The following CDKL2 variants were observed in gnomAD, a reference collection of about 807,000 sequenced individuals.
CDKL2 encodes the protein cyclin-dependent kinase-like 2.
In CDKL2, 64 loss-of-function variants were observed where a neutral mutation model predicts 63.9. The observed-to-expected ratio is 1.00, with a 90% CI of 0.82 to 1.23. The LOEUF (loss-of-function observed/expected upper bound fraction) is 1.23. Among genes scored for constraint, CDKL2 ranks in the 50% most tolerant of loss-of-function variants. The pLI, the probability that CDKL2 is intolerant of heterozygous loss-of-function variation, is 0.00. For missense variants in CDKL2, 656 were observed against 668.0 expected, an observed-to-expected ratio of 0.98 and a Z score of 0.20; for synonymous variants, 211 against 229.2, an observed-to-expected ratio of 0.92 and a Z score of 0.72.
At chr4:75,591,041 C>T (rs1728692113) in intron 12 of CDKL2, among the ~76,000 whole-genome samples, 1 of 151,382 alleles carries the variant, frequency 6.6e-6, no homozygotes, top group African/African-American at 2.4e-5. Flanking sequence ...AAGTTAAGAG[C>T]AATGATAGAA....
At position 75,591,802 on chromosome 4, in the gene CDKL2, A is replaced by G; in HGVS notation, c.1647+17T>C. 2.0e-6 allele frequency: 3 copies of G among 1,484,252 alleles called. No individual in the cohort carries two copies. The highest frequency in any genetic ancestry group is 2.7e-6 in the Non-Finnish European group (3 of 1,100,990). 91.9% of individuals were successfully genotyped at this position (1,484,252 alleles called of 1,614,324 possible). On this transcript the variant is annotated intron_variant, in intron 12 of 13. Coordinates refer to ENST00000307465, the MANE Select transcript of CDKL2 (RefSeq NM_001330724.2). ...GAGACCCGAGTTCTGTCCATCCTAT[A>G]AAGAGTATTTCTGTACCTGATGTAA... is the stretch of plus-strand genomic sequence containing the variant.
intron 6 of CDKL2, among the ~76,000 whole-genome samples, chr4:75,603,451 C>G (rs1729285984): frequency 6.6e-6 from 1 of 150,964 alleles, no homozygotes; most frequent in Non-Finnish European, 1.5e-5. Context: ...CAACTAGAGG[C>G]CAGGGCTGGT....
Position 75,591,981 on chromosome 4 carries a change from A to G in CDKL2, c.1541-56T>C, listed in dbSNP as rs892436318. The G allele has an allele frequency of 9.9e-6, 14 of 1,417,544 alleles. No individual in the cohort carries two copies. In the South Asian group the frequency reaches 1.5e-4, roughly 15 times the overall value. The allele number at this position is 1,417,544 out of a possible 1,614,324, so 87.8% of individuals were successfully genotyped here. On this transcript the variant is annotated intron_variant, in intron 11 of 13. Coordinates refer to ENST00000307465, the MANE Select transcript of CDKL2 (RefSeq NM_001330724.2). ...AATATTAGACATTTTGTTAGTTTTT[A>G]GTTTTTCACATTCTCTACGTGTTCC...
At chr4:75,628,117 A>ATT (rs759097598) in intron 1 of CDKL2, among the ~76,000 whole-genome samples, 6 of 140,836 alleles carry the variant, frequency 4.3e-5, no homozygotes, top group African/African-American at 7.8e-5. Flanking sequence ...TGTGTTTGAA[A>ATT]TTTTTTTTTT....
At chr4:75,600,149 G>T in intron 7 of CDKL2, 132 bp downstream of exon 7, 1 of 599,898 alleles carries the variant, frequency 1.7e-6, no homozygotes. Flanking sequence ...GGAATATGGG[G>T]GTAGAGTGGT....
At chr4:75,587,195 T>C (rs1472842408) in intron 12 of CDKL2, among the ~76,000 whole-genome samples, 2 of 151,536 alleles carry the variant, frequency 1.3e-5, no homozygotes, top group African/African-American at 4.8e-5. Flanking sequence ...GGCTCACGCC[T>C]GTAATCCCAG....
At position 75,605,511 on chromosome 4, in the gene CDKL2, T is replaced by G. The variant is rs759362496; in HGVS notation, c.655+11A>C. ...ATCTCTAAAATTTAAAATGCAGATG[T>G]GTAACCTTACCTAAACACATCATAA... is the stretch of plus-strand genomic sequence containing the variant. On this transcript the variant is annotated intron_variant, in intron 5 of 13. Transcript: ENST00000307465. The G allele has an allele frequency of 6.1e-6, 9 of 1,476,074 alleles. No individual in the cohort carries two copies. In the African/African-American group the frequency reaches 1.1e-4, roughly 18 times the overall value. The allele number at this position is 1,476,074 out of a possible 1,614,324, so 91.4% of individuals were successfully genotyped here.
At chr4:75,592,002 G>A in intron 11 of CDKL2, 77 bp from the exon 12 acceptor site, 2 of 1,323,498 alleles carry the variant, frequency 1.5e-6, no homozygotes, top group South Asian at 1.3e-5. Flanking sequence ...TTCTCTACGT[G>A]TTCCTCAGTA....
intron 3 of CDKL2, among the ~76,000 whole-genome samples, chr4:75,613,075 A>G (rs942163594): frequency 1.3e-5 from 2 of 151,462 alleles, no homozygotes; most frequent in East Asian, 1.9e-4. Flanking sequence ...CCGTGAGCCG[A>G]GATCGCGCCA....
At chr4:75,623,652 A>T (rs1262480154) in intron 2 of CDKL2, among the ~76,000 whole-genome samples, 1 of 152,226 alleles carries the variant, frequency 6.6e-6, no homozygotes, top group Non-Finnish European at 1.5e-5. Context: ...AAAGACAAAG[A>T]AATAGAGAAC....
rs765286890 is a variant in CDKL2 at position 75,597,185 on chromosome 4, C to T, written c.1072G>A (p.Gly358Ser). 4 of 1,612,390 alleles carry T rather than the reference C, an allele frequency of 2.5e-6. No individual in the cohort carries two copies. Among genetic ancestry groups the T allele is most frequent in the African/African-American group, 1.3e-5 (1 of 74,910 alleles). Residue 358 changes from glycine to serine, a missense_variant, in exon 9 of 14, where the codon GGC (glycine) becomes AGC (serine). Physicochemically the swap from Gly to Ser is moderately conservative, Grantham distance 56. Coordinates refer to ENST00000307465, the MANE Select transcript of CDKL2 (RefSeq NM_001330724.2). ...GCTTTTTCTCCATCAATTTTTGAGC[C>T]TTTTATTTTAAATAGTTTATAATCC... ...IKDYKLFKIK[G>S]SKIDGEKAEK...
chr4:75,581,740 G>A (rs1328100470), intron 13 of CDKL2, 70 bp downstream of exon 13: 14 of 766,224 alleles, frequency 1.8e-5, no homozygotes, highest in Non-Finnish European at 2.9e-5. Flanking sequence ...TGAAAAATTG[G>A]TATTCAGCAA....
At chr4:75,604,083 C>G (rs1438560731) in intron 5 of CDKL2, 127 bp from the exon 6 acceptor site, 1 of 798,436 alleles carries the variant, frequency 1.3e-6, no homozygotes, top group East Asian at 2.6e-5. Flanking sequence ...TCTCAACATG[C>G]AAAATTGACC....
In CDKL2 at chr4:75,581,880, A is replaced by G; in HGVS notation, c.1666T>C (p.Ser556Pro). The change falls in exon 13 of 14, where the codon TCA (serine) becomes CCA (proline). Residue 556 changes from serine (S) to proline (P), a missense_variant. Ser to Pro is a moderately conservative substitution (Grantham distance 74, BLOSUM62 -1). Coordinates refer to ENST00000307465, the MANE Select transcript of CDKL2 (RefSeq NM_001330724.2). The stretch of plus-strand genomic sequence containing the variant: ...GGCAAATCAGCCCCTGAATCATCTG[A>G]CAGGGGAGGTCCTGATACCTATAAA... ...TLHQVSGPPL[S>P]DDSGADLPQM... The G allele has an allele frequency of 6.2e-7, 1 of 1,611,562 alleles. No individual in the cohort carries two copies. Among genetic ancestry groups the G allele is most frequent in the Non-Finnish European group, 8.5e-7 (1 of 1,177,982 alleles).
intron 7 of CDKL2, among the ~76,000 whole-genome samples, chr4:75,599,548 C>CAAAAAAAAAAAAAAAAA (rs71657365): frequency 1.4e-5 from 1 of 69,654 alleles, no homozygotes; most frequent in Non-Finnish European, 2.6e-5. Flanking sequence ...GCAACAAGAG[C>CAAAAAAAAAAAAAAAAA]AAAAAAAAAA....
At chr4:75,599,552 A>AG (rs1179301874) in intron 7 of CDKL2, among the ~76,000 whole-genome samples, 1 of 148,480 alleles carries the variant, frequency 6.7e-6, no homozygotes, top group Non-Finnish European at 1.5e-5. Flanking sequence ...CAAGAGCAAA[A>AG]AAAAAAAAAA....
intron 6 of CDKL2, 36 bp from the exon 7 acceptor site, chr4:75,600,405 A>T: frequency 1.6e-6 from 2 of 1,242,258 alleles, no homozygotes; most frequent in Non-Finnish European, 2.3e-6. Context: ...TCATATCAAG[A>T]AAAACTACCT....
At position 75,598,177 on chromosome 4, in the gene CDKL2, T is replaced by C. The variant is rs768073831; in HGVS notation, c.920A>G (p.Asp307Gly). The change falls in exon 8 of 14, where the codon GAT becomes GGT. Residue 307 changes from aspartate to glycine, a missense_variant. Asp to Gly is a moderately conservative substitution (Grantham distance 94). Coordinates refer to ENST00000307465, the MANE Select transcript of CDKL2 (RefSeq NM_001330724.2). ...TTTAGATAAAGAAACATTTCTGGCA[T>C]CTTTCTGTACTTTTAACTGTAGTTC... ...SQELQLKVQKDARNVSLSKKS... is the reference protein window; with the variant it reads ...SQELQLKVQKGARNVSLSKKS... The C allele has an allele frequency of 1.1e-5, 17 of 1,525,890 alleles. No homozygotes were observed. Among genetic ancestry groups the C allele is most frequent in the Non-Finnish European group, 1.3e-5 (14 of 1,114,778 alleles). 94.5% of individuals were successfully genotyped at this position (1,525,890 alleles called of 1,614,324 possible). A position where few individuals can be genotyped will look rare whatever the true frequency, so the allele number is the denominator to read the frequency against.
intron 7 of CDKL2, among the ~76,000 whole-genome samples, chr4:75,599,165 A>G (rs936561644): frequency 7.9e-5 from 12 of 152,246 alleles, no homozygotes; most frequent in Non-Finnish European, 1.8e-4. Context: ...CATGGGTAAA[A>G]GATCCATTAA....
Sources: allele counts gnomAD v4.1 joint callset (sites outside exome capture counted in the v4.1 genomes callset), GRCh38; gene constraint gnomAD v4.1.1; transcripts MANE v1.5; gene names NCBI Gene and HGNC (gene_info 2026-07-23, HGNC 2026-07-21).